HIGD1C: variants seen among roughly 807,000 people sequenced by gnomAD.
The protein encoded by HIGD1C is HIG1 domain family member 1C.
In HIGD1C, 11 loss-of-function variants were observed where a neutral mutation model predicts 13.1. The observed-to-expected ratio is 0.84, with a 90% CI of 0.53 to 1.39. The LOEUF is 1.39. HIGD1C is among the 40% of genes most tolerant of loss of function. The pLI, the probability that HIGD1C is intolerant of heterozygous loss-of-function variation, is 0.00. For synonymous variants in HIGD1C, 36 were observed against 37.7 expected, an observed-to-expected ratio of 0.95 and a Z score of 0.17; for missense variants, 110 against 112.0, an observed-to-expected ratio of 0.98 and a Z score of 0.08.
intron 2 of HIGD1C, 145 bp from the exon 5 acceptor site, chr12:50,970,297 T>G: frequency 1.5e-6 from 1 of 646,932 alleles, no homozygotes; most frequent in Admixed American, 3.2e-5. Flanking sequence ...ACTTGTATGA[T>G]CCAAACCAAA....
chr12:50,963,992 C>T (rs966342360), intron 2 of HIGD1C, among the ~76,000 whole-genome samples: 1 of 152,190 alleles, frequency 6.6e-6, no homozygotes, highest in Admixed American at 6.5e-5. Flanking sequence ...AAAGAGGATA[C>T]AGAATCCCTT....
At chr12:50,957,810 T>C (rs1939156534) in intron 1 of HIGD1C, among the ~76,000 whole-genome samples, 1 of 151,772 alleles carries the variant, frequency 6.6e-6, no homozygotes, top group East Asian at 2.0e-4. Flanking sequence ...GCTTGAACCC[T>C]GGAGGTGGGG....
At chr12:50,961,806 G>A (rs1939339077) in intron 2 of HIGD1C, among the ~76,000 whole-genome samples, 1 of 152,168 alleles carries the variant, frequency 6.6e-6, no homozygotes, top group African/African-American at 2.4e-5. Flanking sequence ...GAGTCATCCT[G>A]CGTAGGATGG....
intron 1 of HIGD1C, among the ~76,000 whole-genome samples, chr12:50,954,734 A>G (rs1195398874): frequency 6.6e-6 from 1 of 152,170 alleles, no homozygotes; most frequent in Non-Finnish European, 1.5e-5. Context: ...TCAAAAACAA[A>G]CAAACAAATA....
At chr12:50,939,498 AC>A in the HIGD1C span, among the ~76,000 whole-genome samples, 1 of 152,146 alleles carries the variant, frequency 6.6e-6, no homozygotes. Context: ...TTATGAAAGT[AC>A]CTACTAATGA....
chr12:50,969,128 C>T (rs1253859774), intron 2 of HIGD1C, among the ~76,000 whole-genome samples: 2 of 148,366 alleles, frequency 1.3e-5, no homozygotes, highest in Admixed American at 6.7e-5. Context: ...AACCCCATCT[C>T]TACTAAAAAT....
intron 1 of HIGD1C, among the ~76,000 whole-genome samples, chr12:50,957,980 G>GTGTGTC: frequency 7.1e-6 from 1 of 140,468 alleles, no homozygotes; most frequent in Non-Finnish European, 1.6e-5. Context: ...GTGTGTGTGT[G>GTGTGTC]TGTGTAGTAG....
downstream of HIGD1C, among the ~76,000 whole-genome samples, chr12:50,971,189 T>TC (rs71089725): frequency 0.15 from 23,139 of 152,162 alleles, 1,937 homozygotes; most frequent in South Asian, 0.27. Flanking sequence ...CACAGACTTT[T>TC]TATATCCATG....
chr12:50,956,375 G>C (rs1228739672), intron 1 of HIGD1C, among the ~76,000 whole-genome samples: 1 of 152,168 alleles, frequency 6.6e-6, no homozygotes, highest in African/African-American at 2.4e-5. Context: ...CTGGGCAACA[G>C]AGCGAGACTC....
At chr12:50,960,523 C>T (rs1939284436) in intron 1 of HIGD1C, among the ~76,000 whole-genome samples, 1 of 152,098 alleles carries the variant, frequency 6.6e-6, no homozygotes, top group African/African-American at 2.4e-5. Context: ...ATATTAAGGG[C>T]TCATTTTAAA....
chr12:50,952,660 C>T (rs1033989494), upstream of HIGD1C, among the ~76,000 whole-genome samples: 2 of 152,122 alleles, frequency 1.3e-5, no homozygotes, highest in African/African-American at 4.8e-5. Flanking sequence ...TTCCCCTGGG[C>T]GCGTGTGCAG....
chr12:50,972,403 A>C (rs1939784648), downstream of HIGD1C, among the ~76,000 whole-genome samples: 1 of 152,250 alleles, frequency 6.6e-6, no homozygotes, highest in South Asian at 2.1e-4. Context: ...ACTATGTTTA[A>C]ATTAAAATGT....
At chr12:50,940,722 C>CA in the HIGD1C span, among the ~76,000 whole-genome samples, 4,136 of 105,004 alleles carry the variant, frequency 0.039, 180 homozygotes, top group African/African-American at 0.13. Context: ...GACCCCATCT[C>CA]AAAAAAAAAA....
intron 2 of HIGD1C, among the ~76,000 whole-genome samples, chr12:50,968,402 G>T (rs542185445): frequency 2.3e-4 from 35 of 151,868 alleles, no homozygotes; most frequent in African/African-American, 7.7e-4. Flanking sequence ...TGTGTGTGTG[G>T]GGGGAGACAG....
intron 2 of HIGD1C, among the ~76,000 whole-genome samples, chr12:50,961,516 T>C (rs1004681025): frequency 2.9e-5 from 3 of 102,252 alleles, no homozygotes; most frequent in African/African-American, 1.1e-4. Flanking sequence ...AAGAAGACAT[T>C]TTTAGAGTCC....
downstream of HIGD1C, among the ~76,000 whole-genome samples, chr12:50,972,040 C>T (rs1295037388): frequency 6.6e-6 from 1 of 152,190 alleles, no homozygotes; most frequent in Admixed American, 6.5e-5. Context: ...AGGAAAGAAT[C>T]CAACTGCTTT....
chr12:50,945,569 C>T, the HIGD1C span, among the ~76,000 whole-genome samples: 37 of 152,106 alleles, frequency 2.4e-4, no homozygotes, highest in South Asian at 8.3e-4. Context: ...CACTGCTCAA[C>T]GAAATAAAAG....
At chr12:50,952,640 C>T (rs533735064), upstream of HIGD1C, among the ~76,000 whole-genome samples, 12 of 152,326 alleles carry the variant, frequency 7.9e-5, no homozygotes, top group East Asian at 5.8e-4. Context: ...GGTGCAGCAA[C>T]GTCACGTCTT....
the HIGD1C span, among the ~76,000 whole-genome samples, chr12:50,947,407 G>C: frequency 6.6e-6 from 1 of 152,182 alleles, no homozygotes; most frequent in East Asian, 1.9e-4. Context: ...CCAGTTTGTA[G>C]AGGCCACCTT....
Sources: gnomAD v4.1 joint callset for allele counts (sites outside exome capture counted in the v4.1 genomes callset) on GRCh38, gnomAD v4.1.1 for gene constraint, MANE v1.5 for transcripts, NCBI Gene and HGNC (gene_info 2026-07-23, HGNC 2026-07-21) for gene names.